The following PTPRT variants were observed in gnomAD, a reference collection of about 807,000 sequenced individuals.
PTPRT encodes receptor-type tyrosine-protein phosphatase T.
A neutral mutation model predicts 176.8 loss-of-function variants in PTPRT; 56 were observed. The ratio of observed to expected loss-of-function variants is 0.32; its 90% CI spans 0.26 to 0.40. The LOEUF (loss-of-function observed/expected upper bound fraction) is 0.40. Among genes scored for constraint, PTPRT ranks in the 10% least tolerant of loss-of-function variants. The pLI is 1.00. For missense variants in PTPRT, 1,540 were observed against 1,908.2 expected (o/e 0.81, Z 3.60); for synonymous variants, 783 against 739.0 (o/e 1.06, Z -0.96).
intron 1 of PTPRT, among the ~76,000 whole-genome samples, chr20:42,986,623 C>T (rs954171773): frequency 6.6e-6 from 1 of 152,182 alleles, no homozygotes; most frequent in Non-Finnish European, 1.5e-5. Context: ...ATGATGGTGA[C>T]TGTGACAAAG....
chr20:42,741,255 G>A lies in PTPRT; in HGVS notation c.859+15207C>T, dbSNP rs115358106. 7.6e-3 allele frequency among the ~76,000 whole-genome samples: 1,163 copies of A among 152,322 alleles called. 17 individuals carry two copies. The highest frequency in any genetic ancestry group is 0.027 in the African/African-American group (1,119 of 41,570). On this transcript the variant is annotated intron_variant, in intron 6 of 30. Coordinates refer to ENST00000373187, the MANE Select transcript of PTPRT (RefSeq NM_007050.6). Reference sequence around the variant, plus strand: ...TCATGGTTGATAAATTTGGGACTGGGTGAACTCTTCTCAGATGTAGCCCCA... The same window carrying A: ...TCATGGTTGATAAATTTGGGACTGGATGAACTCTTCTCAGATGTAGCCCCA...
At chr20:42,494,474 G>C (rs753427974) in intron 7 of PTPRT, among the ~76,000 whole-genome samples, 1 of 152,090 alleles carries the variant, frequency 6.6e-6, no homozygotes, top group Non-Finnish European at 1.5e-5. Flanking sequence ...AAACCTCTCA[G>C]ATATCAATGA....
chr20:42,661,736 T>C (rs1349482325), intron 7 of PTPRT, among the ~76,000 whole-genome samples: 1 of 152,186 alleles, frequency 6.6e-6, no homozygotes, highest in East Asian at 1.9e-4. Flanking sequence ...ACACCTCATC[T>C]CAAGAATCTC....
chr20:42,062,545 A>C, the PTPRT span, among the ~76,000 whole-genome samples: 1 of 152,328 alleles, frequency 6.6e-6, no homozygotes, highest in South Asian at 2.1e-4. Context: ...CCATAATGAC[A>C]GTATTCCCAA....
intron 1 of PTPRT, among the ~76,000 whole-genome samples, chr20:43,018,228 C>A (rs1031158722): frequency 6.6e-6 from 1 of 152,044 alleles, no homozygotes; most frequent in Non-Finnish European, 1.5e-5. Context: ...TCTCACAAAC[C>A]CAGAGGAATA....
At chr20:42,763,772 T>C (rs149959225) in intron 5 of PTPRT, among the ~76,000 whole-genome samples, 6 of 152,302 alleles carry the variant, frequency 3.9e-5, no homozygotes, top group African/African-American at 1.4e-4. Context: ...GAAATAGAAG[T>C]AGACATAAAT....
chr20:42,317,466 G>A (rs748872817), intron 11 of PTPRT, among the ~76,000 whole-genome samples: 1 of 152,236 alleles, frequency 6.6e-6, no homozygotes, highest in South Asian at 2.1e-4. Flanking sequence ...ACAGAAGATC[G>A]ATTGCCCAAA....
chr20:42,995,981 C>G (rs1001333212), intron 1 of PTPRT, among the ~76,000 whole-genome samples: 3 of 152,020 alleles, frequency 2.0e-5, no homozygotes, highest in Non-Finnish European at 4.4e-5. Flanking sequence ...CATCACTATA[C>G]CCAGCTAAAT....
intron 2 of PTPRT, among the ~76,000 whole-genome samples, chr20:42,805,764 C>A (rs2077597505): frequency 6.6e-6 from 1 of 152,144 alleles, no homozygotes; most frequent in Admixed American, 6.5e-5. Flanking sequence ...GGTGTATTTT[C>A]TGAGCCTGTG....
chr20:42,622,127 A>G (rs1036860672), intron 7 of PTPRT, among the ~76,000 whole-genome samples: 8 of 152,170 alleles, frequency 5.3e-5, no homozygotes, highest in African/African-American at 1.9e-4. Context: ...TAGAAAATAT[A>G]TTGTTCCTCT....
At chr20:42,320,348 G>T (rs757943937) in intron 11 of PTPRT, among the ~76,000 whole-genome samples, 25 of 152,288 alleles carry the variant, frequency 1.6e-4, no homozygotes, top group Non-Finnish European at 3.2e-4. Context: ...ATTCCACTGA[G>T]GGGGACCAGG....
intron 22 of PTPRT, among the ~76,000 whole-genome samples, chr20:42,112,056 T>C (rs1026203042): frequency 1.3e-5 from 2 of 152,146 alleles, no homozygotes; most frequent in Non-Finnish European, 2.9e-5. Flanking sequence ...GCCTTGAATC[T>C]ACATTAAGGC....
chr20:42,292,629 G>A (rs1291456216), intron 12 of PTPRT, among the ~76,000 whole-genome samples: 1 of 152,142 alleles, frequency 6.6e-6, no homozygotes, highest in African/African-American at 2.4e-5. Flanking sequence ...TGAGGTGTCT[G>A]TAAGGCAAAT....
chr20:42,316,927 G>C (rs1430359979), intron 11 of PTPRT, among the ~76,000 whole-genome samples: 1 of 152,116 alleles, frequency 6.6e-6, no homozygotes, highest in Non-Finnish European at 1.5e-5. Flanking sequence ...CATCTGCTTT[G>C]TTTTCCAATA....
intron 15 of PTPRT, among the ~76,000 whole-genome samples, chr20:42,205,837 C>T (rs2055444366): frequency 6.6e-6 from 1 of 152,132 alleles, no homozygotes; most frequent in Admixed American, 6.5e-5. Flanking sequence ...AAAAAATTCA[C>T]AAGTGAGGCC....
In PTPRT at chr20:43,186,511, T is replaced by C. The variant is rs554824496; in HGVS notation, c.88+3135A>G. On this transcript the variant is annotated intron_variant, in intron 1 of 30. Coordinates refer to ENST00000373187, the MANE Select transcript of PTPRT (RefSeq NM_007050.6). Reference sequence around the variant, plus strand: ...TGTGCTTGAAAGAGTGATGCTGTCATGTCCTCTGATCGTGGCTGTGAAAGG... The same window carrying C: ...TGTGCTTGAAAGAGTGATGCTGTCACGTCCTCTGATCGTGGCTGTGAAAGG... Among the ~76,000 whole-genome samples, 5 of 152,342 alleles carry C rather than the reference T, an allele frequency of 3.3e-5. No homozygotes were observed. The South Asian group carries it at 8.3e-4, about 25-fold the overall frequency.
In PTPRT at chr20:43,131,858, C is replaced by T. The variant is rs138511617; in HGVS notation, c.88+57788G>A. Among the ~76,000 whole-genome samples, 5 of 152,204 alleles carry T rather than the reference C, an allele frequency of 3.3e-5. No individual in the cohort carries two copies. In the East Asian group the frequency reaches 9.6e-4, roughly 29 times the overall value. ...CCCAAACACAGGCTATCAAAATAAA[C>T]ACCATATTAGTAAATTAAAGAGTAA... On this transcript the variant is annotated intron_variant, in intron 1 of 30. Transcript: ENST00000373187.
intron 2 of PTPRT, among the ~76,000 whole-genome samples, chr20:42,879,349 C>G: frequency 6.6e-6 from 1 of 152,180 alleles, no homozygotes; most frequent in East Asian, 1.9e-4. Flanking sequence ...CAATCCTCAG[C>G]ATTCCTTGCC....
intron 9 of PTPRT, among the ~76,000 whole-genome samples, chr20:42,362,431 G>A (rs2145567300): frequency 6.6e-6 from 1 of 151,202 alleles, no homozygotes; most frequent in African/African-American, 2.4e-5. Flanking sequence ...CTAACTTAAA[G>A]GACAGTCTAC....
Sources: allele counts gnomAD v4.1 joint callset (sites outside exome capture counted in the v4.1 genomes callset), GRCh38; gene constraint gnomAD v4.1.1; transcripts MANE v1.5; gene names NCBI Gene and HGNC (gene_info 2026-07-23, HGNC 2026-07-21).